TMEM132E: variants seen among roughly 807,000 people sequenced by gnomAD.
TMEM132E encodes the protein transmembrane protein 132E.
TMEM132E carries 49 observed loss-of-function variants against 78.5 expected under a neutral mutation model. The ratio of observed to expected loss-of-function variants is 0.62; its 90% CI spans 0.50 to 0.79. The LOEUF (loss-of-function observed/expected upper bound fraction) is 0.79, where lower values mean the gene tolerates loss of function less well. TMEM132E is among the 30% of genes least tolerant of loss of function. TMEM132E has a pLI of 0.00. For synonymous variants in TMEM132E, 715 were observed against 670.6 expected, an observed-to-expected ratio of 1.07 and a Z score of -1.02; for missense variants, 1,403 against 1,470.9, an observed-to-expected ratio of 0.95 and a Z score of 0.75.
rs1048973713 is a variant in TMEM132E at position 34,630,054 on chromosome 17, C to G, written c.1385C>G (p.Ala462Gly). Residue 462 changes from alanine to glycine, a missense_variant, in exon 5 of 9, where the codon GCC (alanine) becomes GGC (glycine). Physicochemically the swap from Ala to Gly is moderately conservative, Grantham distance 60 (BLOSUM62 0). Around this residue, in one of 3 missense-constraint regions of TMEM132E, gnomAD observed 888 missense variants for 952.8 expected, o/e 0.93. Coordinates refer to ENST00000631683, the MANE Select transcript of TMEM132E (RefSeq NM_001304438.2). ...NTAILTGRTV[A>G]IPVKVIAIEV... ...GCCATTCTGACTGGCCGGACAGTGG[C>G]CATCCCTGTCAAGGTCATTGCCATC... 1 of 1,613,294 alleles carries G rather than the reference C, an allele frequency of 6.2e-7. No individual in the cohort carries two copies. The highest frequency in any genetic ancestry group is 2.2e-5 in the East Asian group (1 of 44,858).
At chr17:34,621,077 G>A (rs942617880) in intron 1 of TMEM132E, among the ~76,000 whole-genome samples, 1 of 152,156 alleles carries the variant, frequency 6.6e-6, no homozygotes, top group Non-Finnish European at 1.5e-5. Context: ...TGCAAAAGCT[G>A]GATGATCCCA....
intron 1 of TMEM132E, among the ~76,000 whole-genome samples, chr17:34,593,903 G>A (rs999720026): frequency 1.3e-5 from 2 of 152,262 alleles, no homozygotes; most frequent in African/African-American, 2.4e-5. Flanking sequence ...TCACCTGCTC[G>A]TCTCCGGTCA....
At chr17:34,593,774 C>T (rs1285517000) in intron 1 of TMEM132E, among the ~76,000 whole-genome samples, 2 of 152,244 alleles carry the variant, frequency 1.3e-5, no homozygotes, top group Non-Finnish European at 2.9e-5. Flanking sequence ...GTCAAATCAT[C>T]ACCCTTCTTC....
At chr17:34,629,562 G>T (rs1481126060) in intron 4 of TMEM132E, among the ~76,000 whole-genome samples, 1 of 152,128 alleles carries the variant, frequency 6.6e-6, no homozygotes, top group Non-Finnish European at 1.5e-5. Context: ...CTTGGGCAAA[G>T]GTACAGTAGT....
In TMEM132E at chr17:34,637,821, G is replaced by C. The variant is rs200833599; in HGVS notation, c.2814G>C (p.Leu938=). The change falls in exon 9 of 9, where the codon CTG becomes CTC. Residue 938 remains leucine, a synonymous_variant. Coordinates refer to ENST00000631683, the MANE Select transcript of TMEM132E (RefSeq NM_001304438.2). ...SMDHSHHWVF[L]GNGQPLRVQG... is the part of the protein sequence containing the mutation. Reference sequence around the variant, plus strand: ...ACCACTCTCACCACTGGGTGTTCCTGGGCAACGGGCAGCCGCTGCGGGTGC... The same window carrying C: ...ACCACTCTCACCACTGGGTGTTCCTCGGCAACGGGCAGCCGCTGCGGGTGC... 3.1e-5 allele frequency: 50 copies of C among 1,611,546 alleles called. No individual in the cohort carries two copies. The highest frequency in any genetic ancestry group is 2.2e-4 in the East Asian group (10 of 44,828).
At position 34,580,984 on chromosome 17, in the gene TMEM132E, G is replaced by C; in HGVS notation, c.-93G>C. 1 of 1,059,598 alleles carries C rather than the reference G, an allele frequency of 9.4e-7. No homozygotes were observed. The highest frequency in any genetic ancestry group is 2.9e-5 in the East Asian group (1 of 34,478). The allele number at this position is 1,059,598 out of a possible 1,614,324, so 65.6% of individuals were successfully genotyped here. ...TGCATCTGAGACAGCCGGGCGCCAC[G>C]GCAGCCCTGAGTTGGATGTGACCAA... On this transcript the variant is annotated 5_prime_UTR_variant, in exon 1 of 9. Transcript: ENST00000631683.
At chr17:34,630,236 G>A in intron 5 of TMEM132E, 85 bp downstream of exon 5, 1 of 1,457,778 alleles carries the variant, frequency 6.9e-7, no homozygotes, top group East Asian at 2.4e-5. Flanking sequence ...CCAGGTGGCT[G>A]ACTCTTACTC....
chr17:34,633,584 A>G (rs1197220792), intron 6 of TMEM132E, among the ~76,000 whole-genome samples: 2 of 152,358 alleles, frequency 1.3e-5, no homozygotes, highest in South Asian at 2.1e-4. Context: ...AGGGAAGAGA[A>G]GAGAGGAAAG....
At chr17:34,600,673 G>C (rs780041083) in intron 1 of TMEM132E, among the ~76,000 whole-genome samples, 2 of 152,150 alleles carry the variant, frequency 1.3e-5, no homozygotes, top group African/African-American at 2.4e-5. Context: ...AAGGCTGACA[G>C]GTCTAGGGCA....
In TMEM132E at chr17:34,637,836, G is replaced by A. The variant is rs769156650; in HGVS notation, c.2829G>A (p.Pro943=). The A allele has an allele frequency of 6.2e-7, 1 of 1,610,374 alleles. No individual in the cohort carries two copies. The change falls in exon 9 of 9, where the codon CCG becomes CCA. Residue 943 remains proline (P), a synonymous_variant. Coordinates refer to ENST00000631683, the MANE Select transcript of TMEM132E (RefSeq NM_001304438.2). ...GGGTGTTCCTGGGCAACGGGCAGCC[G>A]CTGCGGGTGCAAGGAGAGCTGTCGC... ...HHWVFLGNGQ[P]LRVQGELSPP...
In TMEM132E at chr17:34,580,068, T is replaced by C. The variant is rs758410; in HGVS notation, c.-1009T>C. The C allele has an allele frequency of 0.85, 129,203 of 152,644 alleles. 54,802 individuals carry two copies. The highest frequency in any genetic ancestry group is 0.88 in the African/African-American group (36,734 of 41,576). 9.5% of individuals were successfully genotyped at this position (152,644 alleles called of 1,614,324 possible). On this transcript the variant is annotated 5_prime_UTR_variant, in exon 1 of 9. Transcript: ENST00000631683. ...GAGGAGCGAGGCGGGGCAGCGCGCCTCTCTGCCGAGACAGCGAGACCTTAG... is the reference window on the plus strand; with the variant it reads ...GAGGAGCGAGGCGGGGCAGCGCGCCCCTCTGCCGAGACAGCGAGACCTTAG...
At chr17:34,607,299 G>C (rs550811666) in intron 1 of TMEM132E, among the ~76,000 whole-genome samples, 3 of 152,326 alleles carry the variant, frequency 2.0e-5, no homozygotes, top group Admixed American at 6.5e-5. Context: ...CAGACCACAG[G>C]GGAGACAGAC....
intron 5 of TMEM132E, among the ~76,000 whole-genome samples, chr17:34,631,314 C>G (rs972930031): frequency 1.3e-5 from 2 of 152,080 alleles, no homozygotes; most frequent in Non-Finnish European, 2.9e-5. Context: ...CTGCATCACC[C>G]CCTTCAGAGA....
At chr17:34,623,199 A>C (rs1375593002) in intron 1 of TMEM132E, among the ~76,000 whole-genome samples, 1 of 152,192 alleles carries the variant, frequency 6.6e-6, no homozygotes, top group Non-Finnish European at 1.5e-5. Context: ...TGGGGCATGC[A>C]GTCACAATTG....
In TMEM132E at chr17:34,638,256, A is replaced by AG; in HGVS notation, c.*24_*25insG. 1 of 1,236,506 alleles carries AG rather than the reference A, an allele frequency of 8.1e-7. No homozygotes were observed. Among genetic ancestry groups the AG allele is most frequent in the Non-Finnish European group, 1.1e-6 (1 of 933,882 alleles). 76.6% of individuals were successfully genotyped at this position (1,236,506 alleles called of 1,614,324 possible). A position where few individuals can be genotyped will look rare whatever the true frequency, so the allele number is the denominator to read the frequency against. ...AGAGGCGCCAGCCGGAGTAGCAGGGACCCCCCCCCCCAACGGGGTCAGCTC... is the reference window on the plus strand; with the variant it reads ...AGAGGCGCCAGCCGGAGTAGCAGGGAGCCCCCCCCCCCAACGGGGTCAGCTC... On this transcript the variant is annotated 3_prime_UTR_variant, in exon 9 of 9. Transcript: ENST00000631683.
intron 5 of TMEM132E, among the ~76,000 whole-genome samples, chr17:34,631,625 T>C (rs1375867592): frequency 6.6e-6 from 1 of 152,224 alleles, no homozygotes; most frequent in Non-Finnish European, 1.5e-5. Context: ...GCAGGGCTGC[T>C]GTCCCATCCC....
At chr17:34,627,793 C>T (rs1444958863) in intron 2 of TMEM132E, among the ~76,000 whole-genome samples, 2 of 152,162 alleles carry the variant, frequency 1.3e-5, no homozygotes, top group African/African-American at 2.4e-5. Flanking sequence ...ATTTCCCTGT[C>T]TCCTCAGTGT....
chr17:34,604,029 T>C (rs111479966), intron 1 of TMEM132E, among the ~76,000 whole-genome samples: 101 of 152,342 alleles, frequency 6.6e-4, no homozygotes, highest in African/African-American at 2.3e-3. Flanking sequence ...CCCCTTGGAC[T>C]GTGCTGCTTC....
intron 1 of TMEM132E, among the ~76,000 whole-genome samples, chr17:34,606,622 G>C (rs906586379): frequency 6.6e-6 from 1 of 152,196 alleles, no homozygotes; most frequent in East Asian, 1.9e-4. Context: ...GTCCCTGGAC[G>C]AGGGCTGTTT....
Sources: allele counts gnomAD v4.1 joint callset (sites outside exome capture counted in the v4.1 genomes callset), GRCh38; gene constraint gnomAD v4.1.1; regional missense constraint gnomAD v4.1.1; transcripts MANE v1.5; gene names NCBI Gene and HGNC (gene_info 2026-07-23, HGNC 2026-07-21).